ADAMTS3: variants seen among roughly 807,000 people sequenced by gnomAD.
The protein encoded by ADAMTS3 is A disintegrin and metalloproteinase with thrombospondin motifs 3.
Under a neutral mutation model 129.0 loss-of-function variants are expected in ADAMTS3, and 73 were observed. The observed-to-expected ratio is 0.57, with a 90% confidence interval of 0.47 to 0.69. The LOEUF (loss-of-function observed/expected upper bound fraction) is 0.69, where lower values mean the gene tolerates loss of function less well. Among genes scored for constraint, ADAMTS3 ranks in the 30% least tolerant of loss-of-function variants. The pLI is 0.00. For synonymous variants in ADAMTS3, 477 were observed against 510.8 expected, an observed-to-expected ratio of 0.93 and a Z score of 0.89; for missense variants, 1,457 against 1,514.5, an observed-to-expected ratio of 0.96 and a Z score of 0.63.
intron 4 of ADAMTS3, among the ~76,000 whole-genome samples, chr4:72,389,023 C>T (rs1262833155): frequency 6.6e-6 from 1 of 152,178 alleles, no homozygotes; most frequent in Admixed American, 6.5e-5. Flanking sequence ...CCATCCTCGG[C>T]CTAGCACAAA....
intron 4 of ADAMTS3, among the ~76,000 whole-genome samples, chr4:72,361,963 G>A (rs578080395): frequency 2.6e-5 from 4 of 151,828 alleles, no homozygotes; most frequent in East Asian, 1.9e-4. Flanking sequence ...GTATGCATAC[G>A]TAACTGGAAC....
At chr4:72,527,489 T>C (rs940148376) in intron 3 of ADAMTS3, among the ~76,000 whole-genome samples, 1 of 152,142 alleles carries the variant, frequency 6.6e-6, no homozygotes. Flanking sequence ...AAGTATCAGG[T>C]ACACAGTAAG....
chr4:72,452,875 T>C (rs771468355), intron 3 of ADAMTS3, among the ~76,000 whole-genome samples: 1 of 151,782 alleles, frequency 6.6e-6, no homozygotes, highest in Admixed American at 6.6e-5. Flanking sequence ...AGGTTTTTAG[T>C]TGATGATCTC....
At position 72,480,676 on chromosome 4, in the gene ADAMTS3, C is replaced by T. The variant is rs937439404; in HGVS notation, c.505-65705G>A. Among the ~76,000 whole-genome samples the T allele has an allele frequency of 4.0e-5, 6 of 149,422 alleles. No homozygotes were observed. The Admixed American group carries it at 4.0e-4, about 10-fold the overall frequency. On this transcript the variant is annotated intron_variant, in intron 3 of 21. Coordinates refer to ENST00000286657, the MANE Select transcript of ADAMTS3 (RefSeq NM_014243.3). ...TAACCTGCACATTGTGCACATGTAC[C>T]CTAAAACTTAAAGTATAATAATAAT...
intron 4 of ADAMTS3, among the ~76,000 whole-genome samples, chr4:72,376,316 T>C (rs1168810784): frequency 1.3e-5 from 2 of 152,194 alleles, no homozygotes; most frequent in Non-Finnish European, 2.9e-5. Flanking sequence ...TGTGTCTTCA[T>C]ACGGCGGAAA....
intron 12 of ADAMTS3, 116 bp downstream of exon 12, chr4:72,313,561 T>C (rs923291788): frequency 1.1e-4 from 123 of 1,117,250 alleles, no homozygotes; most frequent in Non-Finnish European, 1.5e-4. Flanking sequence ...CTGTGAACAA[T>C]TTATTTTCCT....
chr4:72,411,453 C>T (rs1417296233), intron 4 of ADAMTS3, among the ~76,000 whole-genome samples: 1 of 152,056 alleles, frequency 6.6e-6, no homozygotes, highest in African/African-American at 2.4e-5. Context: ...TTCATAGGCT[C>T]CCAATTCTGT....
intron 4 of ADAMTS3, among the ~76,000 whole-genome samples, chr4:72,403,404 C>T (rs1381344285): frequency 6.6e-6 from 1 of 151,840 alleles, no homozygotes; most frequent in Non-Finnish European, 1.5e-5. Context: ...TTCCTTTTTA[C>T]TCACACATAA....
chr4:72,513,171 A>G (rs1238270674), intron 3 of ADAMTS3, among the ~76,000 whole-genome samples: 2 of 152,160 alleles, frequency 1.3e-5, no homozygotes, highest in Non-Finnish European at 2.9e-5. Flanking sequence ...TCCTGTTGAC[A>G]GTTCACATGC....
At chr4:72,309,656 A>G in intron 14 of ADAMTS3, 136 bp from the exon 15 acceptor site, 1 of 856,748 alleles carries the variant, frequency 1.2e-6, no homozygotes, top group East Asian at 2.6e-5. Context: ...TGTAGTCATA[A>G]TTTTTAATAC....
chr4:72,397,587 AC>A (rs1184913994), intron 4 of ADAMTS3, among the ~76,000 whole-genome samples: 1 of 151,866 alleles, frequency 6.6e-6, no homozygotes, highest in Non-Finnish European at 1.5e-5. Flanking sequence ...ACACACACAC[AC>A]ACAAAGAAAG....
chr4:72,558,320 C>T (rs943088274), intron 2 of ADAMTS3, among the ~76,000 whole-genome samples: 1 of 151,816 alleles, frequency 6.6e-6, no homozygotes, highest in South Asian at 2.1e-4. Context: ...GAATCTGTTT[C>T]CCTGCTTTTT....
intron 3 of ADAMTS3, among the ~76,000 whole-genome samples, chr4:72,450,349 C>A (rs948674330): frequency 6.6e-6 from 1 of 151,628 alleles, no homozygotes; most frequent in African/African-American, 2.4e-5. Flanking sequence ...GGCTCTGGCA[C>A]CATGGAAGAG....
At chr4:72,547,162 G>A (rs1403382445) in intron 3 of ADAMTS3, among the ~76,000 whole-genome samples, 1 of 152,112 alleles carries the variant, frequency 6.6e-6, no homozygotes, top group Non-Finnish European at 1.5e-5. Flanking sequence ...CAGAAAGTGG[G>A]GACGATTCTA....
At chr4:72,391,345 T>C (rs1356208970) in intron 4 of ADAMTS3, among the ~76,000 whole-genome samples, 1 of 152,180 alleles carries the variant, frequency 6.6e-6, no homozygotes, top group African/African-American at 2.4e-5. Context: ...AGTTGAGAGA[T>C]GGAGAAGAAC....
intron 3 of ADAMTS3, among the ~76,000 whole-genome samples, chr4:72,539,158 T>C (rs532937713): frequency 6.6e-6 from 1 of 151,996 alleles, no homozygotes; most frequent in African/African-American, 2.4e-5. Flanking sequence ...AAAAATAAAT[T>C]GGACTTCATG....
intron 4 of ADAMTS3, among the ~76,000 whole-genome samples, chr4:72,371,062 A>G (rs1264275364): frequency 6.6e-6 from 1 of 152,180 alleles, no homozygotes; most frequent in African/African-American, 2.4e-5. Context: ...TGATATGTCT[A>G]CAAGCCAAGA....
In ADAMTS3 at chr4:72,467,203, C is replaced by A. The variant is rs189825629; in HGVS notation, c.505-52232G>T. On this transcript the variant is annotated intron_variant, in intron 3 of 21. Transcript: ENST00000286657. ...TAGCTTTTTCTGGCTTTATTTCTAACTGCCAAGTCTGCAGATTCAAAATTA... is the reference window on the plus strand; with the variant it reads ...TAGCTTTTTCTGGCTTTATTTCTAAATGCCAAGTCTGCAGATTCAAAATTA... 2.1e-3 allele frequency among the ~76,000 whole-genome samples: 324 copies of A among 152,152 alleles called. 2 individuals are homozygous for A. Among genetic ancestry groups the A allele is most frequent in the African/African-American group, 7.4e-3 (307 of 41,556 alleles).
chr4:72,549,455 G>T (rs1466986161), intron 2 of ADAMTS3, among the ~76,000 whole-genome samples: 3 of 152,028 alleles, frequency 2.0e-5, no homozygotes, highest in Non-Finnish European at 2.9e-5. Context: ...TGAGAAAACT[G>T]AGATTCAGGG....
Sources: allele counts gnomAD v4.1 joint callset (sites outside exome capture counted in the v4.1 genomes callset), GRCh38; gene constraint gnomAD v4.1.1; transcripts MANE v1.5; gene names NCBI Gene and HGNC (gene_info 2026-07-23, HGNC 2026-07-21).